CSMD1: variants seen among roughly 807,000 people sequenced by gnomAD.
CSMD1 encodes CUB and Sushi multiple domains 1.
Under a neutral mutation model 417.5 loss-of-function variants are expected in CSMD1, and 213 were observed. That is an observed-to-expected ratio of 0.51 (90% confidence interval 0.46 to 0.57). The LOEUF is 0.57. Among genes scored for constraint, CSMD1 ranks in the 20% least tolerant of loss-of-function variants. CSMD1 has a pLI of 0.00. For synonymous variants in CSMD1, 2,862 were observed against 1,736.8 expected, an observed-to-expected ratio of 1.65 and a Z score of -16.11; for missense variants, 6,923 against 4,529.7, an observed-to-expected ratio of 1.53 and a Z score of -15.17.
intron 19 of CSMD1, among the ~76,000 whole-genome samples, 191 bp downstream of exon 19, chr8:3,369,063 A>G (rs760188098): frequency 2.6e-5 from 4 of 152,230 alleles, no homozygotes; most frequent in Non-Finnish European, 5.9e-5. Context: ...AAAACGGGGA[A>G]TGGTTTTTAT....
chr8:3,180,694 G>A (rs974783392), intron 37 of CSMD1, among the ~76,000 whole-genome samples: 8 of 152,194 alleles, frequency 5.3e-5, no homozygotes, highest in African/African-American at 1.9e-4. Context: ...GGTGTGCAGT[G>A]GTGCAATCTT....
rs543082653 is a variant in CSMD1, at chr8:4,519,535, T to C, written c.303-99470A>G. 5.7e-4 allele frequency among the ~76,000 whole-genome samples: 85 copies of C among 149,538 alleles called. 1 individual carries two copies. Among genetic ancestry groups the C allele is most frequent in the African/African-American group, 2.1e-3 (85 of 40,670 alleles). ...AGGGTGGATCATCTGAGGTCAGGAG[T>C]TCAAGACTAGCCTGGACAACATGGT... On this transcript the variant is annotated intron_variant, in intron 2 of 69. Coordinates refer to ENST00000635120, the MANE Select transcript of CSMD1 (RefSeq NM_033225.6).
At chr8:3,498,197 T>C (rs1796446662) in intron 10 of CSMD1, among the ~76,000 whole-genome samples, 2 of 152,198 alleles carry the variant, frequency 1.3e-5, no homozygotes, top group South Asian at 2.1e-4. Flanking sequence ...TGCTTATATT[T>C]GACTTGACTG....
At chr8:4,753,909 A>C (rs1025504457) in intron 1 of CSMD1, among the ~76,000 whole-genome samples, 10 of 152,170 alleles carry the variant, frequency 6.6e-5, no homozygotes, top group Non-Finnish European at 2.9e-5. Context: ...TTTCCTGTTC[A>C]TCTGTTACCA....
chr8:3,076,751 A>T lies in CSMD1; in HGVS notation c.7474+10346T>A, dbSNP rs555632981. ...CAAATTCATTTCTCCATAAATTCAT[A>T]TTGATGACAACTGTGGCCCAGGCTT... On this transcript the variant is annotated intron_variant, in intron 49 of 69. Transcript: ENST00000635120. 7.7e-4 allele frequency among the ~76,000 whole-genome samples: 117 copies of T among 152,338 alleles called. 1 individual carries two copies. Among genetic ancestry groups the T allele is most frequent in the Admixed American group, 3.1e-3 (48 of 15,298 alleles).
At chr8:4,751,017 T>C (rs1811291047) in intron 1 of CSMD1, among the ~76,000 whole-genome samples, 1 of 152,222 alleles carries the variant, frequency 6.6e-6, no homozygotes, top group Non-Finnish European at 1.5e-5. Flanking sequence ...ATGGTGGCTA[T>C]TTGCTAAGAT....
intron 3 of CSMD1, among the ~76,000 whole-genome samples, chr8:4,090,137 G>T (rs143831437): frequency 6.6e-6 from 1 of 152,264 alleles, no homozygotes; most frequent in African/African-American, 2.4e-5. Flanking sequence ...ATCATTAATA[G>T]AATACAGTCT....
intron 5 of CSMD1, among the ~76,000 whole-genome samples, chr8:3,796,790 C>A (rs1341006724): frequency 2.0e-5 from 3 of 151,082 alleles, no homozygotes; most frequent in Non-Finnish European, 3.0e-5. Context: ...CTTGAAATTC[C>A]ATTCACTTCA....
chr8:4,808,181 G>C (rs1469531572), intron 1 of CSMD1, among the ~76,000 whole-genome samples: 1 of 152,190 alleles, frequency 6.6e-6, no homozygotes, highest in Non-Finnish European at 1.5e-5. Flanking sequence ...AGGGCGGCAG[G>C]CAGATTGGTT....
chr8:3,062,942 A>C (rs1812681324), intron 49 of CSMD1, among the ~76,000 whole-genome samples: 1 of 152,176 alleles, frequency 6.6e-6, no homozygotes, highest in Non-Finnish European at 1.5e-5. Context: ...GGAATATAAA[A>C]CAAAGATTTA....
At chr8:4,002,231 G>C (rs1367812335) in intron 4 of CSMD1, among the ~76,000 whole-genome samples, 1 of 152,060 alleles carries the variant, frequency 6.6e-6, no homozygotes, top group Admixed American at 6.6e-5. Context: ...GTGTGTGCAT[G>C]TGTGTGCGTG....
chr8:3,684,867 A>G (rs778462987), intron 7 of CSMD1, among the ~76,000 whole-genome samples: 2 of 152,152 alleles, frequency 1.3e-5, no homozygotes, highest in Non-Finnish European at 2.9e-5. Flanking sequence ...CAGAATTCTT[A>G]CATACTTTAT....
chr8:3,058,801 G>A (rs1812402981), intron 49 of CSMD1, among the ~76,000 whole-genome samples: 1 of 151,838 alleles, frequency 6.6e-6, no homozygotes, highest in African/African-American at 2.4e-5. Flanking sequence ...CCCACACACG[G>A]TTTACAAACA....
At chr8:4,044,698 G>A (rs1015059918) in intron 3 of CSMD1, among the ~76,000 whole-genome samples, 2 of 152,022 alleles carry the variant, frequency 1.3e-5, no homozygotes, top group African/African-American at 2.4e-5. Context: ...TCCTGGCTGC[G>A]TACAACCCTG....
intron 6 of CSMD1, among the ~76,000 whole-genome samples, chr8:3,750,539 A>G (rs1004826517): frequency 5.9e-5 from 9 of 152,276 alleles, no homozygotes; most frequent in East Asian, 1.9e-4. Flanking sequence ...GGCACAAATA[A>G]TATCAGGCTT....
intron 2 of CSMD1, among the ~76,000 whole-genome samples, chr8:4,455,745 A>C (rs970749273): frequency 6.6e-6 from 1 of 151,674 alleles, no homozygotes; most frequent in Admixed American, 6.6e-5. Context: ...AGCCTGGCCA[A>C]CATGGTGAAA....
At chr8:3,456,524 G>T (rs1024346120) in intron 12 of CSMD1, among the ~76,000 whole-genome samples, 1 of 152,058 alleles carries the variant, frequency 6.6e-6, no homozygotes, top group South Asian at 2.1e-4. Flanking sequence ...TGTGCTTTGT[G>T]GTTATCTAAG....
intron 2 of CSMD1, among the ~76,000 whole-genome samples, chr8:4,477,713 A>T (rs1432477759): frequency 6.6e-6 from 1 of 152,162 alleles, no homozygotes; most frequent in Non-Finnish European, 1.5e-5. Flanking sequence ...AACCTTTGTC[A>T]ATTATGCACA....
At chr8:4,466,596 T>A (rs2130002511) in intron 2 of CSMD1, among the ~76,000 whole-genome samples, 1 of 152,308 alleles carries the variant, frequency 6.6e-6, no homozygotes, top group African/African-American at 2.4e-5. Flanking sequence ...GTTTAGTTAT[T>A]CTAAGAGTTC....
Sources: gnomAD v4.1 joint callset for allele counts (sites outside exome capture counted in the v4.1 genomes callset) on GRCh38, gnomAD v4.1.1 for gene constraint, MANE v1.5 for transcripts, NCBI Gene and HGNC (gene_info 2026-07-23, HGNC 2026-07-21) for gene names.